Variants in ATG10 observed in about 807,000 individuals in gnomAD.
ATG10 encodes the protein autophagy related 10, also known as ubiquitin-like-conjugating enzyme ATG10.
ATG10 carries 30 observed loss-of-function variants against 32.1 expected under a neutral mutation model. The ratio of observed to expected loss-of-function variants is 0.94; its 90% CI spans 0.70 to 1.27. The LOEUF is 1.27. Among genes scored for constraint, ATG10 ranks in the 50% most tolerant of loss-of-function variants. ATG10 has a pLI of 0.00. For synonymous variants in ATG10, 87 were observed against 91.5 expected, an observed-to-expected ratio of 0.95 and a Z score of 0.28; for missense variants, 233 against 262.3, an observed-to-expected ratio of 0.89 and a Z score of 0.77.
intron 3 of ATG10, among the ~76,000 whole-genome samples, chr5:82,108,048 G>A (rs1169458274): frequency 2.0e-5 from 3 of 151,998 alleles, no homozygotes; most frequent in African/African-American, 7.2e-5. Context: ...AGAATGCTAA[G>A]GTAGAGTTAG....
intron 3 of ATG10, among the ~76,000 whole-genome samples, chr5:82,094,745 C>A (rs182365533): frequency 3.4e-4 from 52 of 152,156 alleles, no homozygotes; most frequent in African/African-American, 1.1e-3. Flanking sequence ...ATTACCTTTG[C>A]ATGTTTTTGT....
At chr5:82,197,494 ACC>A (rs1744905464) in intron 5 of ATG10, among the ~76,000 whole-genome samples, 1 of 151,410 alleles carries the variant, frequency 6.6e-6, no homozygotes. Flanking sequence ...CTACCTACCT[ACC>A]TACCTGCCTA....
At chr5:82,234,509 G>C (rs1330681795) in intron 5 of ATG10, among the ~76,000 whole-genome samples, 3 of 152,184 alleles carry the variant, frequency 2.0e-5, no homozygotes, top group Admixed American at 6.5e-5. Flanking sequence ...CCTCAGGAAA[G>C]GGACAGGTAG....
intron 4 of ATG10, among the ~76,000 whole-genome samples, chr5:82,165,177 C>T (rs959814553): frequency 6.6e-6 from 1 of 152,172 alleles, no homozygotes; most frequent in African/African-American, 2.4e-5. Context: ...CATGGCTTCC[C>T]GCTTAGAGTC....
intron 2 of ATG10, among the ~76,000 whole-genome samples, chr5:82,033,945 T>C (rs996689760): frequency 1.4e-5 from 2 of 147,766 alleles, no homozygotes; most frequent in Non-Finnish European, 3.0e-5. Flanking sequence ...ATGTGTACTA[T>C]GTATATGTAT....
chr5:82,187,982 A>T (rs1294679619), intron 5 of ATG10, among the ~76,000 whole-genome samples: 1 of 152,224 alleles, frequency 6.6e-6, no homozygotes, highest in East Asian at 1.9e-4. Context: ...AGGCATTGGT[A>T]TAACAGTGCT....
chr5:82,218,386 C>T (rs1429032970), intron 5 of ATG10, among the ~76,000 whole-genome samples: 3 of 152,112 alleles, frequency 2.0e-5, no homozygotes, highest in African/African-American at 7.2e-5. Context: ...ATATGTCTTA[C>T]TTTCATCCTA....
chr5:82,224,309 T>C (rs1746035768), intron 5 of ATG10, among the ~76,000 whole-genome samples: 1 of 152,180 alleles, frequency 6.6e-6, no homozygotes, highest in South Asian at 2.1e-4. Flanking sequence ...GATTTTTACC[T>C]AGAGGTCACA....
chr5:82,220,966 C>T (rs1216185311), intron 5 of ATG10, among the ~76,000 whole-genome samples: 1 of 152,110 alleles, frequency 6.6e-6, no homozygotes, highest in East Asian at 1.9e-4. Flanking sequence ...CCATATTGGC[C>T]AGGCTAGTCT....
At chr5:82,204,739 G>A in intron 5 of ATG10, among the ~76,000 whole-genome samples, 1 of 152,114 alleles carries the variant, frequency 6.6e-6, no homozygotes, top group Admixed American at 6.5e-5. Context: ...CAGTGTTTGG[G>A]GAAATTGGCT....
intron 2 of ATG10, among the ~76,000 whole-genome samples, chr5:82,024,181 T>G (rs1212569041): frequency 6.6e-6 from 1 of 152,208 alleles, no homozygotes; most frequent in Non-Finnish European, 1.5e-5. Flanking sequence ...TAGAAGTGTA[T>G]AGATGGCAGA....
intron 3 of ATG10, among the ~76,000 whole-genome samples, chr5:82,091,027 C>T (rs1444755346): frequency 1.3e-5 from 2 of 152,102 alleles, no homozygotes; most frequent in African/African-American, 4.8e-5. Context: ...GTTTGATAAG[C>T]TTCTACACAT....
intron 3 of ATG10, among the ~76,000 whole-genome samples, chr5:82,159,680 T>C (rs1581754678): frequency 1.3e-5 from 2 of 152,114 alleles, no homozygotes; most frequent in South Asian, 4.2e-4. Flanking sequence ...CCTTCTATAC[T>C]TCCATCCACT....
At chr5:81,988,813 C>G (rs1055872592) in intron 2 of ATG10, among the ~76,000 whole-genome samples, 2 of 152,154 alleles carry the variant, frequency 1.3e-5, no homozygotes, top group Non-Finnish European at 2.9e-5. Context: ...AGAGTTAGTT[C>G]TCTGTCAAAA....
chr5:82,128,395 C>T (rs1766369612), intron 3 of ATG10, among the ~76,000 whole-genome samples: 1 of 151,940 alleles, frequency 6.6e-6, no homozygotes, highest in South Asian at 2.1e-4. Flanking sequence ...ATGGTCTTTA[C>T]AATTTTGTAT....
At chr5:82,138,193 A>C (rs915732488) in intron 3 of ATG10, among the ~76,000 whole-genome samples, 5 of 152,120 alleles carry the variant, frequency 3.3e-5, no homozygotes, top group Non-Finnish European at 7.4e-5. Context: ...GAGCTAAACC[A>C]CTTGGCTCCC....
chr5:82,046,985 T>G (rs1162511913), intron 2 of ATG10, among the ~76,000 whole-genome samples: 1 of 151,984 alleles, frequency 6.6e-6, no homozygotes, highest in Non-Finnish European at 1.5e-5. Flanking sequence ...ATCTGTGTTT[T>G]TTTTTTTTTT....
At position 82,212,790 on chromosome 5, in the gene ATG10, C is replaced by T. The variant is rs138329132; in HGVS notation, c.453+34203C>T. Among the ~76,000 whole-genome samples, 53 of 152,124 alleles carry T rather than the reference C, an allele frequency of 3.5e-4. 1 individual carries two copies. In the East Asian group the frequency reaches 8.9e-3, roughly 25 times the overall value. On this transcript the variant is annotated intron_variant, in intron 5 of 7. Coordinates refer to ENST00000282185, the MANE Select transcript of ATG10 (RefSeq NM_031482.5). ...CTTCTCAAGTTCATCCTATATTGGACGTGTAAATGTTAGAGTACCCCAGGG... is the reference window on the plus strand; with the variant it reads ...CTTCTCAAGTTCATCCTATATTGGATGTGTAAATGTTAGAGTACCCCAGGG...
At chr5:82,240,215 C>T (rs182359064) in intron 5 of ATG10, among the ~76,000 whole-genome samples, 31 of 152,266 alleles carry the variant, frequency 2.0e-4, no homozygotes, top group African/African-American at 7.2e-4. Flanking sequence ...GAGATATCTG[C>T]ACTCCTATGT....
Sources: allele counts gnomAD v4.1 joint callset (sites outside exome capture counted in the v4.1 genomes callset), GRCh38; gene constraint gnomAD v4.1.1; transcripts MANE v1.5; gene names NCBI Gene and HGNC (gene_info 2026-07-23, HGNC 2026-07-21).